RTN1: variants seen among roughly 807,000 people sequenced by gnomAD.
RTN1 encodes the protein reticulon 1, also known as reticulon-1.
A neutral mutation model predicts 65.5 loss-of-function variants in RTN1; 25 were observed. The ratio of observed to expected loss-of-function variants is 0.38; its 90% CI spans 0.28 to 0.53. The LOEUF (loss-of-function observed/expected upper bound fraction) is 0.53. RTN1 is among the 20% of genes least tolerant of loss of function. The pLI is 0.79. For synonymous variants in RTN1, 471 were observed against 447.6 expected (o/e 1.05, Z -0.66); for missense variants, 983 against 1,025.4 (o/e 0.96, Z 0.57).
chr14:59,789,370 A>T (rs1886307503), intron 1 of RTN1, among the ~76,000 whole-genome samples: 1 of 152,108 alleles, frequency 6.6e-6, no homozygotes, highest in African/African-American at 2.4e-5. Context: ...ATCCATTCCT[A>T]TTCTGGTAAA....
At chr14:59,763,311 C>T (rs533962478) in intron 1 of RTN1, among the ~76,000 whole-genome samples, 2 of 152,228 alleles carry the variant, frequency 1.3e-5, no homozygotes, top group East Asian at 1.9e-4. Context: ...ATCTATAAGA[C>T]GAGGTAAACT....
In RTN1 at chr14:59,727,234, C is replaced by T. The variant is rs1884787811; in HGVS notation, c.1450G>A (p.Glu484Lys). Residue 484 changes from glutamate to lysine, a missense_variant, in exon 3 of 9, where the codon GAG (glutamate) becomes AAG (lysine). Physicochemically the swap from Glu to Lys is moderately conservative, Grantham distance 56. Coordinates refer to ENST00000267484, the MANE Select transcript of RTN1 (RefSeq NM_021136.3). This position sits in a 1 kb window ranked among gnomAD's most constrained non-coding sequence, Gnocchi z 4.2. Reference sequence around the variant, plus strand: ...GGCTTCATCGGGGGTGAGTCCTGCTCCCGCTTGGGGCTCTCCTCCGAGGCC... The same window carrying T: ...GGCTTCATCGGGGGTGAGTCCTGCTTCCGCTTGGGGCTCTCCTCCGAGGCC... ...SSASEESPKREQDSPPMKPSA... is the reference protein window; with the variant it reads ...SSASEESPKRKQDSPPMKPSA... 6.4e-7 allele frequency: 1 copy of T among 1,554,858 alleles called. No individual in the cohort carries two copies. The highest frequency in any genetic ancestry group is 8.7e-7 in the Non-Finnish European group (1 of 1,150,644).
At chr14:59,748,813 A>G (rs1172925159) in intron 1 of RTN1, among the ~76,000 whole-genome samples, 1 of 151,850 alleles carries the variant, frequency 6.6e-6, no homozygotes, top group South Asian at 2.1e-4. Flanking sequence ...GGCGGAGGAC[A>G]GAGTCTTACT....
At chr14:59,734,465 T>C (rs1323741597) in intron 2 of RTN1, among the ~76,000 whole-genome samples, 4 of 152,160 alleles carry the variant, frequency 2.6e-5, no homozygotes, top group Non-Finnish European at 5.9e-5. Context: ...TGGTAACCAT[T>C]GACAAAGAGG....
At chr14:59,623,769 A>C (rs939129073) in intron 3 of RTN1, among the ~76,000 whole-genome samples, 5 of 152,236 alleles carry the variant, frequency 3.3e-5, no homozygotes, top group Non-Finnish European at 7.3e-5. Flanking sequence ...CTTTTTAAAA[A>C]AAATGAATAC....
chr14:59,693,015 T>A (rs534157801), intron 3 of RTN1, among the ~76,000 whole-genome samples: 92 of 152,240 alleles, frequency 6.0e-4, no homozygotes, highest in Non-Finnish European at 9.4e-4. Context: ...CGTGACGATA[T>A]TAGGAGGTGG....
chr14:59,635,459 A>G (rs1882643990), intron 3 of RTN1, among the ~76,000 whole-genome samples: 1 of 152,198 alleles, frequency 6.6e-6, no homozygotes, highest in African/African-American at 2.4e-5. Context: ...AAAAATTATT[A>G]AAGGCCAGCT....
intron 1 of RTN1, among the ~76,000 whole-genome samples, chr14:59,842,615 A>C (rs746990543): frequency 1.3e-5 from 2 of 152,230 alleles, no homozygotes; most frequent in Non-Finnish European, 2.9e-5. Flanking sequence ...ACTATCTATT[A>C]ACTTAACCTA....
At chr14:59,750,420 TATA>T (rs1233858457) in intron 1 of RTN1, among the ~76,000 whole-genome samples, 1 of 64,858 alleles carries the variant, frequency 1.5e-5, no homozygotes, top group Non-Finnish European at 2.5e-5. Flanking sequence ...ATGTATAATA[TATA>T]ATATATCTAT....
At chr14:59,810,513 C>T (rs138974202) in intron 1 of RTN1, among the ~76,000 whole-genome samples, 443 of 152,186 alleles carry the variant, frequency 2.9e-3, no homozygotes, top group South Asian at 6.7e-3. Flanking sequence ...TGTTAGCTTG[C>T]AGGAAGGGTA....
At chr14:59,842,711 C>A (rs1454307209) in intron 1 of RTN1, among the ~76,000 whole-genome samples, 1 of 152,088 alleles carries the variant, frequency 6.6e-6, no homozygotes, top group Non-Finnish European at 1.5e-5. Context: ...CACAAACACA[C>A]CAAACTATAC....
At chr14:59,819,294 C>T (rs1228936922) in intron 1 of RTN1, among the ~76,000 whole-genome samples, 3 of 151,364 alleles carry the variant, frequency 2.0e-5, no homozygotes, top group South Asian at 2.1e-4. Context: ...AGTTGGGGCT[C>T]GGGTGGCGGG....
chr14:59,837,233 T>G (rs573559186), intron 1 of RTN1, among the ~76,000 whole-genome samples: 1 of 152,136 alleles, frequency 6.6e-6, no homozygotes, highest in African/African-American at 2.4e-5. Context: ...TAATAAATAA[T>G]TAGTAAATGG....
chr14:59,839,745 T>A (rs1036170941), intron 1 of RTN1, among the ~76,000 whole-genome samples: 2 of 152,130 alleles, frequency 1.3e-5, no homozygotes, highest in African/African-American at 4.8e-5. Context: ...TTTAACCAAC[T>A]CAAATTGACC....
rs1248263199 is a variant in RTN1 at position 59,734,036 on chromosome 14, G to C, written c.1016-6368C>G. Among the ~76,000 whole-genome samples the C allele has an allele frequency of 1.1e-4, 16 of 152,310 alleles. 1 individual carries two copies. The East Asian group carries it at 3.1e-3, about 29-fold the overall frequency. On this transcript the variant is annotated intron_variant, in intron 2 of 8. Coordinates refer to ENST00000267484, the MANE Select transcript of RTN1 (RefSeq NM_021136.3). ...ATGGAGCTTCCAGAGGAAGAGGCAG[G>C]CTGCCATCTTTACTGTTTCCCAACT...
chr14:59,758,661 C>G (rs1885688415), intron 1 of RTN1, among the ~76,000 whole-genome samples: 1 of 152,188 alleles, frequency 6.6e-6, no homozygotes, highest in Admixed American at 6.5e-5. Context: ...TCATTTGGGA[C>G]TCACTGGCTT....
Position 59,721,313 on chromosome 14 carries a change from C to G in RTN1, c.1765+5606G>C, listed in dbSNP as rs149684432. ...GGGTGAGCAGGCTGCAGAGGCCTGC[C>G]TCCCAGGGCACAGACAGGTACCTCT... On this transcript the variant is annotated intron_variant, in intron 3 of 8. Coordinates refer to ENST00000267484, the MANE Select transcript of RTN1 (RefSeq NM_021136.3). Among the ~76,000 whole-genome samples, 712 of 152,274 alleles carry G rather than the reference C, an allele frequency of 4.7e-3. 2 individuals carry two copies. The highest frequency in any genetic ancestry group is 0.02 in the Middle Eastern group (6 of 294).
intron 3 of RTN1, among the ~76,000 whole-genome samples, chr14:59,681,892 C>G (rs1381646971): frequency 6.6e-6 from 1 of 152,184 alleles, no homozygotes; most frequent in Non-Finnish European, 1.5e-5. Context: ...TTCATCCTCT[C>G]AGCTGCTACA....
intron 1 of RTN1, among the ~76,000 whole-genome samples, chr14:59,748,137 T>G (rs894307030): frequency 3.3e-5 from 5 of 150,988 alleles, no homozygotes; most frequent in African/African-American, 1.2e-4. Context: ...AGAACCAGGA[T>G]TCACACCCAA....
Sources: gnomAD v4.1 joint callset for allele counts (sites outside exome capture counted in the v4.1 genomes callset) on GRCh38, gnomAD v4.1.1 for gene constraint, Gnocchi (gnomAD v3.1) non-coding constraint, MANE v1.5 for transcripts, NCBI Gene and HGNC (gene_info 2026-07-23, HGNC 2026-07-21) for gene names.